The following CHRM3 variants were observed in gnomAD, a reference collection of about 807,000 sequenced individuals.
CHRM3 encodes the protein cholinergic receptor muscarinic 3.
Under a neutral mutation model 41.8 loss-of-function variants are expected in CHRM3, and 11 were observed. The observed-to-expected ratio is 0.26, with a 90% confidence interval of 0.17 to 0.44. CHRM3 has a LOEUF of 0.44. Ranked by LOEUF, CHRM3 falls within the 20% of genes least tolerant of loss-of-function variation. The probability of loss-of-function intolerance (pLI) is 1.00; values close to 1 mark genes in which losing one functional copy is unlikely to be tolerated. For missense variants in CHRM3, 571 were observed against 745.4 expected (o/e 0.77, Z 2.72); for synonymous variants, 297 against 301.4 (o/e 0.99, Z 0.15).
chr1:239,685,321 T>C (rs770241889), intron 5 of CHRM3, among the ~76,000 whole-genome samples: 13 of 152,142 alleles, frequency 8.5e-5, no homozygotes, highest in Non-Finnish European at 1.5e-4. Context: ...AATAAATGAG[T>C]ATCCACCACA....
intron 6 of CHRM3, among the ~76,000 whole-genome samples, chr1:239,840,655 G>GA (rs1398402111): frequency 2.0e-5 from 3 of 152,142 alleles, no homozygotes; most frequent in Non-Finnish European, 2.9e-5. Flanking sequence ...GAGATAAAGA[G>GA]AAAATGCTTT....
chr1:239,491,183 C>A (rs1360123269), intron 1 of CHRM3, among the ~76,000 whole-genome samples: 2 of 152,156 alleles, frequency 1.3e-5, no homozygotes, highest in African/African-American at 4.8e-5. Flanking sequence ...ATTATCATGT[C>A]TTTGTGTTGA....
At chr1:239,398,267 G>A (rs951658323) in intron 1 of CHRM3, among the ~76,000 whole-genome samples, 11 of 151,986 alleles carry the variant, frequency 7.2e-5, no homozygotes, top group African/African-American at 2.2e-4. Context: ...ATGGAGTTTC[G>A]TTCTTTCACC....
intron 6 of CHRM3, among the ~76,000 whole-genome samples, chr1:239,886,752 C>A (rs1372673166): frequency 6.6e-6 from 1 of 152,160 alleles, no homozygotes; most frequent in East Asian, 1.9e-4. Context: ...AGACACCTGC[C>A]TGCAGCTGGA....
chr1:239,835,923 G>A (rs1297179846), intron 6 of CHRM3, among the ~76,000 whole-genome samples: 1 of 152,230 alleles, frequency 6.6e-6, no homozygotes, highest in African/African-American at 2.4e-5. Context: ...AAGCTAATAA[G>A]TGTCAAGGAT....
intron 2 of CHRM3, among the ~76,000 whole-genome samples, chr1:239,494,817 A>T (rs560362311): frequency 1.3e-4 from 20 of 152,172 alleles, no homozygotes; most frequent in African/African-American, 4.6e-4. Context: ...CTGTTCCTGC[A>T]TTAGTTTGCT....
intron 2 of CHRM3, among the ~76,000 whole-genome samples, chr1:239,534,742 A>G (rs1156543967): frequency 6.6e-6 from 1 of 152,220 alleles, no homozygotes; most frequent in Non-Finnish European, 1.5e-5. Context: ...ATGAAGATTA[A>G]ATCATAAGAT....
At chr1:239,619,608 T>TA (rs1170279288) in intron 3 of CHRM3, among the ~76,000 whole-genome samples, 3 of 152,204 alleles carry the variant, frequency 2.0e-5, no homozygotes, top group Non-Finnish European at 2.9e-5. Flanking sequence ...AGTGGTCCTT[T>TA]AAGCTGTTTT....
intron 1 of CHRM3, among the ~76,000 whole-genome samples, chr1:239,489,563 GA>G (rs1403205484): frequency 6.6e-6 from 1 of 152,160 alleles, no homozygotes; most frequent in Non-Finnish European, 1.5e-5. Flanking sequence ...TTAGGTAGAG[GA>G]ACAGGATAGC....
At chr1:239,801,737 T>G (rs1670231763) in intron 5 of CHRM3, among the ~76,000 whole-genome samples, 1 of 152,154 alleles carries the variant, frequency 6.6e-6, no homozygotes. Flanking sequence ...AAAAAGAATT[T>G]TAAAAGGATA....
At chr1:239,452,853 T>C (rs1490524225) in intron 1 of CHRM3, among the ~76,000 whole-genome samples, 1 of 152,172 alleles carries the variant, frequency 6.6e-6, no homozygotes, top group Non-Finnish European at 1.5e-5. Context: ...CAGGCTGGAG[T>C]GCAGTGGCGT....
chr1:239,462,286 T>A (rs1164157347), intron 1 of CHRM3, among the ~76,000 whole-genome samples: 3 of 152,206 alleles, frequency 2.0e-5, no homozygotes, highest in African/African-American at 2.4e-5. Context: ...TATATAAATT[T>A]GGGAGCAAGT....
chr1:239,654,727 C>T (rs2148984060), intron 4 of CHRM3, among the ~76,000 whole-genome samples: 1 of 152,258 alleles, frequency 6.6e-6, no homozygotes, highest in Admixed American at 6.5e-5. Flanking sequence ...TGGGAATGGA[C>T]ATTATCAGGG....
chr1:239,767,182 C>T (rs1030463207), intron 5 of CHRM3, among the ~76,000 whole-genome samples: 2 of 151,994 alleles, frequency 1.3e-5, no homozygotes, highest in Admixed American at 1.3e-4. Context: ...AACATGAAAA[C>T]CAGGCTGGCG....
chr1:239,822,675 C>A (rs960202821), intron 5 of CHRM3, among the ~76,000 whole-genome samples: 3 of 152,072 alleles, frequency 2.0e-5, no homozygotes, highest in Non-Finnish European at 2.9e-5. Flanking sequence ...ACAGAAATTC[C>A]TTTTATTTAA....
chr1:239,810,279 CG>C (rs772053673), intron 5 of CHRM3, among the ~76,000 whole-genome samples: 55 of 152,016 alleles, frequency 3.6e-4, no homozygotes, highest in Non-Finnish European at 7.4e-4. Context: ...TCAAGGAATG[CG>C]GGGGGACTTG....
chr1:239,900,617 T>C (rs1221698185), intron 6 of CHRM3, among the ~76,000 whole-genome samples: 2 of 152,000 alleles, frequency 1.3e-5, no homozygotes, highest in Non-Finnish European at 2.9e-5. Flanking sequence ...AGCCTTGATA[T>C]GAATAGATTG....
At chr1:239,647,733 C>T (rs1246813043) in intron 4 of CHRM3, among the ~76,000 whole-genome samples, 1 of 152,144 alleles carries the variant, frequency 6.6e-6, no homozygotes, top group African/African-American at 2.4e-5. Flanking sequence ...TGCTTCTCCC[C>T]ACTTTTCCAT....
chr1:239,867,201 G>C (rs940261573), intron 6 of CHRM3, among the ~76,000 whole-genome samples: 1 of 152,182 alleles, frequency 6.6e-6, no homozygotes, highest in African/African-American at 2.4e-5. Context: ...TAATTAAATA[G>C]AATATAAATT....
Sources: gnomAD v4.1 joint callset for allele counts (sites outside exome capture counted in the v4.1 genomes callset) on GRCh38, gnomAD v4.1.1 for gene constraint, MANE v1.5 for transcripts, NCBI Gene and HGNC (gene_info 2026-07-23, HGNC 2026-07-21) for gene names.